The following SUPT3H variants were observed in gnomAD, a reference collection of about 807,000 sequenced individuals.
SUPT3H encodes the protein transcription initiation protein SPT3 homolog.
A neutral mutation model predicts 44.3 loss-of-function variants in SUPT3H; 44 were observed. The observed-to-expected ratio is 0.99, with a 90% CI of 0.78 to 1.28. The LOEUF is 1.28. Among genes scored for constraint, SUPT3H ranks in the 50% most tolerant of loss-of-function variants. The pLI, the probability that SUPT3H is intolerant of heterozygous loss-of-function variation, is 0.00. For missense variants in SUPT3H, 380 were observed against 387.1 expected, an observed-to-expected ratio of 0.98 and a Z score of 0.15; for synonymous variants, 124 against 125.6, an observed-to-expected ratio of 0.99 and a Z score of 0.09.
intron 10 of SUPT3H, among the ~76,000 whole-genome samples, chr6:44,855,438 T>C (rs1254379408): frequency 6.6e-6 from 1 of 152,212 alleles, no homozygotes; most frequent in African/African-American, 2.4e-5. Context: ...TTTTTCTTAT[T>C]TGCTCTCCTA....
At chr6:45,147,215 T>A (rs1562550874) in intron 2 of SUPT3H, among the ~76,000 whole-genome samples, 1 of 152,150 alleles carries the variant, frequency 6.6e-6, no homozygotes, top group African/African-American at 2.4e-5. Flanking sequence ...ACTGTTCTCC[T>A]GACTACTACA....
intron 2 of SUPT3H, among the ~76,000 whole-genome samples, chr6:45,296,933 GAA>G (rs370015187): frequency 3.6e-5 from 2 of 55,266 alleles, no homozygotes; most frequent in Non-Finnish European, 3.8e-5. Flanking sequence ...TCTGTCTCAA[GAA>G]AAAAAAAAAA....
At chr6:44,850,387 T>G (rs1772665682) in intron 10 of SUPT3H, among the ~76,000 whole-genome samples, 1 of 152,224 alleles carries the variant, frequency 6.6e-6, no homozygotes, top group Non-Finnish European at 1.5e-5. Flanking sequence ...AGGGACACAC[T>G]CTTCTTGACA....
At chr6:45,169,611 T>A (rs759253789) in intron 2 of SUPT3H, among the ~76,000 whole-genome samples, 9 of 152,132 alleles carry the variant, frequency 5.9e-5, no homozygotes, top group Non-Finnish European at 1.0e-4. Flanking sequence ...GAGTTTAGAG[T>A]CTTTTAAAAG....
chr6:44,953,473 G>T, intron 8 of SUPT3H, 56 bp from the exon 9 acceptor site: 11 of 1,392,526 alleles, frequency 7.9e-6, no homozygotes, highest in Middle Eastern at 1.8e-4. Context: ...GAATGCCACT[G>T]AAGTGGCAAA....
At chr6:44,887,360 G>A (rs1218778628) in intron 10 of SUPT3H, among the ~76,000 whole-genome samples, 1 of 151,916 alleles carries the variant, frequency 6.6e-6, no homozygotes, top group African/African-American at 2.4e-5. Context: ...TTGACCACAC[G>A]GTTGGAAATA....
Position 44,829,817 on chromosome 6 carries a change from C to G in SUPT3H, c.953G>C (p.Ter318SerextTer17), listed in dbSNP as rs780823031. The change falls in exon 11 of 11, where the codon TGA becomes TCA. Residue 318 changes from the stop codon to serine (S), a stop_lost. Transcript: ENST00000371459. ...TGCAGGCACATCACAGTTGTCACAT[C>G]AGCAGGCTAGAAAAGCCATCCCATT... The part of the protein sequence containing the change: ...RRNGMAFLAC[*>S] 6.2e-7 allele frequency: 1 copy of G among 1,613,132 alleles called. No individual in the cohort carries two copies. The highest frequency in any genetic ancestry group is 1.1e-5 in the South Asian group (1 of 91,038).
intron 2 of SUPT3H, among the ~76,000 whole-genome samples, chr6:45,148,770 CTT>C (rs1806482559): frequency 6.6e-6 from 1 of 152,116 alleles, no homozygotes. Flanking sequence ...CCATTTAACA[CTT>C]ATGATATTTT....
At chr6:44,862,122 T>G (rs1774755794) in intron 10 of SUPT3H, among the ~76,000 whole-genome samples, 1 of 152,148 alleles carries the variant, frequency 6.6e-6, no homozygotes, top group African/African-American at 2.4e-5. Context: ...CACCATGTAC[T>G]TCATGCTTTA....
chr6:44,977,914 G>A (rs955112959), intron 6 of SUPT3H, among the ~76,000 whole-genome samples: 3 of 152,076 alleles, frequency 2.0e-5, no homozygotes, highest in African/African-American at 7.2e-5. Flanking sequence ...CCCTCAGATT[G>A]CGCTACATGC....
At chr6:44,815,779 A>T (rs1766866221) in intron 11 of SUPT3H, among the ~76,000 whole-genome samples, 1 of 152,078 alleles carries the variant, frequency 6.6e-6, no homozygotes, top group Non-Finnish European at 1.5e-5. Context: ...AAAAGTAGAA[A>T]ATCAGTAAGT....
chr6:45,126,799 T>C (rs1340113049), intron 2 of SUPT3H, among the ~76,000 whole-genome samples: 5 of 152,358 alleles, frequency 3.3e-5, no homozygotes, highest in Admixed American at 1.3e-4. Flanking sequence ...TCAAAGTGTT[T>C]TGAAGGATTC....
intron 2 of SUPT3H, among the ~76,000 whole-genome samples, chr6:45,107,466 C>T (rs1255613320): frequency 1.3e-5 from 2 of 151,988 alleles, no homozygotes; most frequent in African/African-American, 2.4e-5. Flanking sequence ...ATACCCATTC[C>T]AGAGAATGCA....
intron 2 of SUPT3H, among the ~76,000 whole-genome samples, chr6:45,205,747 A>C (rs1054065337): frequency 1.3e-5 from 2 of 152,118 alleles, no homozygotes; most frequent in Admixed American, 1.3e-4. Flanking sequence ...CAGTGAGCCA[A>C]GATTGCGCCA....
intron 2 of SUPT3H, among the ~76,000 whole-genome samples, chr6:45,352,968 T>C (rs1792375961): frequency 1.3e-5 from 2 of 152,104 alleles, no homozygotes; most frequent in Admixed American, 1.3e-4. Flanking sequence ...GGCTGATTTT[T>C]ACATACTGCA....
chr6:45,051,157 G>C (rs1287030728), intron 3 of SUPT3H, among the ~76,000 whole-genome samples: 1 of 152,168 alleles, frequency 6.6e-6, no homozygotes, highest in Non-Finnish European at 1.5e-5. Flanking sequence ...CCAAAGTGCT[G>C]GGATTACAGG....
At chr6:45,034,347 A>C (rs1404582718) in intron 3 of SUPT3H, among the ~76,000 whole-genome samples, 2 of 151,894 alleles carry the variant, frequency 1.3e-5, no homozygotes, top group Admixed American at 1.3e-4. Context: ...GTCAGAGGGC[A>C]AGAGAGATCC....
At chr6:45,152,204 T>A (rs1807065015) in intron 2 of SUPT3H, among the ~76,000 whole-genome samples, 1 of 152,128 alleles carries the variant, frequency 6.6e-6, no homozygotes, top group African/African-American at 2.4e-5. Flanking sequence ...TTCCTCACTA[T>A]CTCATTGGCA....
At chr6:44,987,888 T>C (rs1015523517) in intron 6 of SUPT3H, among the ~76,000 whole-genome samples, 1 of 152,082 alleles carries the variant, frequency 6.6e-6, no homozygotes, top group African/African-American at 2.4e-5. Flanking sequence ...GCAAAAAGTC[T>C]GAAGAGAGGA....
Sources: gnomAD v4.1 joint callset for allele counts (sites outside exome capture counted in the v4.1 genomes callset) on GRCh38, gnomAD v4.1.1 for gene constraint, MANE v1.5 for transcripts, NCBI Gene and HGNC (gene_info 2026-07-23, HGNC 2026-07-21) for gene names.